Variants in LTB4R observed in about 807,000 individuals in gnomAD.
LTB4R encodes the protein leukotriene B4 receptor 1.
For synonymous variants in LTB4R, 250 were observed against 230.7 expected (o/e 1.08, Z -0.76); for missense variants, 470 against 485.6 (o/e 0.97, Z 0.30).
chr14:24,316,249 A>G lies in LTB4R; in HGVS notation c.598A>G (p.Ser200Gly), dbSNP rs767700281. 3.7e-6 allele frequency: 6 copies of G among 1,613,156 alleles called. No individual in the cohort carries two copies. The highest frequency in any genetic ancestry group is 5.1e-6 in the Non-Finnish European group (6 of 1,179,976). Reference protein sequence around the residue: ...FLLPFLAVVASYSDIGRRLQA... With the variant: ...FLLPFLAVVAGYSDIGRRLQA... ...GCTGCCCTTCCTGGCTGTGGTGGCC[A>G]GCTACTCGGACATAGGGCGTCGGCT... The change falls in exon 2 of 2, where the codon AGC (serine) becomes GGC (glycine). Residue 200 changes from serine (S) to glycine (G), a missense_variant. Ser to Gly is a moderately conservative substitution (Grantham distance 56). Transcript: ENST00000345363.
chr14:24,311,830 C>T lies in LTB4R; in HGVS notation c.-16+26C>T, dbSNP rs553683189. On this transcript the variant is annotated intron_variant, in intron 1 of 1. Coordinates refer to ENST00000345363, the MANE Select transcript of LTB4R (RefSeq NM_001143919.3). The stretch of plus-strand genomic sequence containing the variant: ...GTCAGTGTTCTGGGACATTTGGGGA[C>T]CCTTCTTTGACTAGAGTTTGGATCT... 4.4e-5 allele frequency: 54 copies of T among 1,225,676 alleles called. No homozygotes were observed. In the South Asian group the frequency reaches 6.7e-4, roughly 15 times the overall value. 75.9% of individuals were successfully genotyped at this position (1,225,676 alleles called of 1,614,324 possible).
At chr14:24,315,167 C>T (rs900221676) in intron 1 of LTB4R, 7 of 158,990 alleles carry the variant, frequency 4.4e-5, no homozygotes, top group African/African-American at 1.4e-4. Context: ...CTAAACTCCT[C>T]CCCTCCCTGT....
chr14:24,316,603 G>A lies in LTB4R; in HGVS notation c.952G>A (p.Gly318Arg), dbSNP rs775554959. 3 of 1,468,186 alleles carry A rather than the reference G, an allele frequency of 2.0e-6. No homozygotes were observed. Among genetic ancestry groups the A allele is most frequent in the East Asian group, 2.8e-5 (1 of 35,204 alleles). The allele number at this position is 1,468,186 out of a possible 1,614,324, so 90.9% of individuals were successfully genotyped here. Residue 318 changes from glycine to arginine, a missense_variant, in exon 2 of 2, where the codon GGG becomes AGG. Coordinates refer to ENST00000345363, the MANE Select transcript of LTB4R (RefSeq NM_001143919.3). Reference protein sequence around the residue: ...TGSEASSTRRGGSLGQTARSG... With the variant: ...TGSEASSTRRRGSLGQTARSG... ...CTCCGAGGCGTCCAGCACGCGCCGC[G>A]GGGGCAGCCTGGGCCAGACCGCTAG... is the stretch of plus-strand genomic sequence containing the variant.
rs1415486105 is a variant in LTB4R, at chr14:24,317,598, C to G, written c.*888C>G. ...TGACAAGGTTTTAGGAAGATGGCAA[C>G]AACAGTGGCAGCAGTGTACTTTTTG... On this transcript the variant is annotated 3_prime_UTR_variant, in exon 2 of 2. Transcript: ENST00000345363. 6.0e-6 allele frequency: 1 copy of G among 166,946 alleles called. No individual in the cohort carries two copies. The highest frequency in any genetic ancestry group is 1.5e-5 in the Non-Finnish European group (1 of 68,120). The allele number at this position is 166,946 out of a possible 1,614,324, so 10.3% of individuals were successfully genotyped here. A position where few individuals can be genotyped will look rare whatever the true frequency, so the allele number is the denominator to read the frequency against.
chr14:24,316,170 C>T lies in LTB4R; in HGVS notation c.519C>T (p.Pro173=), dbSNP rs2041767997. 1.9e-6 allele frequency: 3 copies of T among 1,613,908 alleles called. No individual in the cohort carries two copies. The highest frequency in any genetic ancestry group is 1.7e-6 in the Non-Finnish European group (2 of 1,180,036). The change falls in exon 2 of 2, where the codon CCC becomes CCT. Residue 173 remains proline (P), a synonymous_variant. Transcript: ENST00000345363. ...TNMSLCFPRY[P]SEGHRAFHLI... ...TGAGCCTGTGCTTCCCGCGGTACCC[C>T]AGCGAAGGGCACCGGGCCTTCCATC...
chr14:24,311,831 CCTT>C (rs1203139306), intron 1 of LTB4R, 27 bp downstream of exon 1: 2 of 1,187,206 alleles, frequency 1.7e-6, no homozygotes, highest in Admixed American at 5.7e-5. Flanking sequence ...ATTTGGGGAC[CCTT>C]CTTTGACTAG....
At position 24,316,444 on chromosome 14, in the gene LTB4R, C is replaced by T. The variant is rs765563648; in HGVS notation, c.793C>T (p.Leu265=). The change falls in exon 2 of 2, where the codon CTG becomes TTG. Residue 265 remains leucine (L), a synonymous_variant. Coordinates refer to ENST00000345363, the MANE Select transcript of LTB4R (RefSeq NM_001143919.3). Reference sequence around the variant, plus strand: ...AGGGCTCGTGGGGAAGCGGCTGAGCCTGGCCCGCAACGTGCTCATCGCACT... The same window carrying T: ...AGGGCTCGTGGGGAAGCGGCTGAGCTTGGCCCGCAACGTGCTCATCGCACT... The part of the protein sequence containing the change: ...GLGLVGKRLS[L]ARNVLIALAF... The T allele has an allele frequency of 6.4e-7, 1 of 1,571,484 alleles. No homozygotes were observed. Among genetic ancestry groups the T allele is most frequent in the African/African-American group, 1.3e-5 (1 of 74,246 alleles).
chr14:24,316,617 C>T lies in LTB4R; in HGVS notation c.966C>T (p.Gly322=). 1 of 1,497,210 alleles carries T rather than the reference C, an allele frequency of 6.7e-7. No homozygotes were observed. The highest frequency in any genetic ancestry group is 1.5e-5 in the African/African-American group (1 of 68,334). The allele number at this position is 1,497,210 out of a possible 1,614,324, so 92.7% of individuals were successfully genotyped here. Reference sequence around the variant, plus strand: ...GCACGCGCCGCGGGGGCAGCCTGGGCCAGACCGCTAGGAGCGGCCCCGCCG... The same window carrying T: ...GCACGCGCCGCGGGGGCAGCCTGGGTCAGACCGCTAGGAGCGGCCCCGCCG... The part of the protein sequence containing the change: ...ASSTRRGGSL[G]QTARSGPAAL... The change falls in exon 2 of 2, where the codon GGC becomes GGT. Residue 322 remains glycine, a synonymous_variant. Transcript: ENST00000345363.
intron 1 of LTB4R, chr14:24,313,564 G>T: frequency 7.0e-6 from 1 of 141,884 alleles, no homozygotes; most frequent in Non-Finnish European, 1.5e-5. Context: ...CAGATTGAAG[G>T]AAGGACTTTT....
chr14:24,317,719 C>G lies in LTB4R; in HGVS notation c.*1009C>G, dbSNP rs1393321908. ...ACAAATCTAGTATGTCAAGGTTTGA[C>G]ATACTCCCATGGACCCCAAAGTATG... is the stretch of plus-strand genomic sequence containing the variant. On this transcript the variant is annotated 3_prime_UTR_variant, in exon 2 of 2. Transcript: ENST00000345363. The G allele has an allele frequency of 6.0e-6, 1 of 166,942 alleles. No individual in the cohort carries two copies. Among genetic ancestry groups the G allele is most frequent in the Non-Finnish European group, 1.5e-5 (1 of 68,100 alleles). The allele number at this position is 166,942 out of a possible 1,614,324, so 10.3% of individuals were successfully genotyped here.
intron 1 of LTB4R, among the ~76,000 whole-genome samples, chr14:24,312,317 G>T (rs1056392314): frequency 2.0e-5 from 3 of 152,218 alleles, no homozygotes; most frequent in Non-Finnish European, 4.4e-5. Flanking sequence ...GGAGGAAATG[G>T]CTCTGAAGGG....
rs1382020056 is a variant in LTB4R at position 24,316,783 on chromosome 14, A to G, written c.*73A>G. On this transcript the variant is annotated 3_prime_UTR_variant, in exon 2 of 2. Coordinates refer to ENST00000345363, the MANE Select transcript of LTB4R (RefSeq NM_001143919.3). ...GAGCCAGTTCAGTACCTGGAGGAGG[A>G]GCAGGGGCGTGGAGGGCGTGGAGGG... 6 of 1,283,480 alleles carry G rather than the reference A, an allele frequency of 4.7e-6. No homozygotes were observed. In the South Asian group the frequency reaches 6.6e-5, roughly 14 times the overall value. The allele number at this position is 1,283,480 out of a possible 1,614,324, so 79.5% of individuals were successfully genotyped here.
chr14:24,316,072 A>G lies in LTB4R; in HGVS notation c.421A>G (p.Ile141Val), dbSNP rs746613664. Residue 141 changes from isoleucine (I) to valine (V), a missense_variant, in exon 2 of 2, where the codon ATC becomes GTC. Ile to Val is a conservative substitution (Grantham distance 29, BLOSUM62 3). Coordinates refer to ENST00000345363, the MANE Select transcript of LTB4R (RefSeq NM_001143919.3). ...GATGGCCCGGCGGGTGCTGGCAGGC[A>G]TCTGGGTGTTGTCCTTTCTGCTGGC... Reference protein sequence around the residue: ...KAMARRVLAGIWVLSFLLATP... With the variant: ...KAMARRVLAGVWVLSFLLATP... 2 of 1,613,166 alleles carry G rather than the reference A, an allele frequency of 1.2e-6. No homozygotes were observed. The highest frequency in any genetic ancestry group is 1.6e-4 in the Middle Eastern group (1 of 6,062).
In LTB4R at chr14:24,311,814, C is replaced by G. The variant is rs994301976; in HGVS notation, c.-16+10C>G. The G allele has an allele frequency of 1.5e-6, 2 of 1,353,262 alleles. No individual in the cohort carries two copies. Among genetic ancestry groups the G allele is most frequent in the Non-Finnish European group, 2.0e-6 (2 of 1,000,048 alleles). 83.8% of individuals were successfully genotyped at this position (1,353,262 alleles called of 1,614,324 possible). ...CACCCACCCTCCAGAGGTCAGTGTT[C>G]TGGGACATTTGGGGACCCTTCTTTG... On this transcript the variant is annotated intron_variant, in intron 1 of 1. Coordinates refer to ENST00000345363, the MANE Select transcript of LTB4R (RefSeq NM_001143919.3).
At position 24,311,844 on chromosome 14, in the gene LTB4R, G is replaced by C. The variant is rs1034748696; in HGVS notation, c.-16+40G>C. The C allele has an allele frequency of 1.1e-5, 12 of 1,102,990 alleles. No homozygotes were observed. The Admixed American group carries it at 3.5e-4, about 32-fold the overall frequency. 68.3% of individuals were successfully genotyped at this position (1,102,990 alleles called of 1,614,324 possible). The stretch of plus-strand genomic sequence containing the variant: ...ACATTTGGGGACCCTTCTTTGACTA[G>C]AGTTTGGATCTGGCTGGGTAGGATT... On this transcript the variant is annotated intron_variant, in intron 1 of 1. Coordinates refer to ENST00000345363, the MANE Select transcript of LTB4R (RefSeq NM_001143919.3).
At position 24,316,897 on chromosome 14, in the gene LTB4R, C is replaced by CT. The variant is rs921534497; in HGVS notation, c.*188dup. On this transcript the variant is annotated 3_prime_UTR_variant, in exon 2 of 2. Transcript: ENST00000345363. ...CGAGTGAGAGCGTGCTCCAGCCTGGCTCCCACAGGCAGCTTTAACCATTAA... is the reference window on the plus strand; with the variant it reads ...CGAGTGAGAGCGTGCTCCAGCCTGGCTTCCCACAGGCAGCTTTAACCATTAA... 3.9e-5 allele frequency: 19 copies of CT among 490,396 alleles called. No homozygotes were observed. Among genetic ancestry groups the CT allele is most frequent in the African/African-American group, 3.7e-4 (18 of 48,830 alleles). The allele number at this position is 490,396 out of a possible 1,614,324, so 30.4% of individuals were successfully genotyped here.
rs559210310 is a variant in LTB4R at position 24,316,027 on chromosome 14, C to G, written c.376C>G (p.Gln126Glu). 1.2e-6 allele frequency: 2 copies of G among 1,613,844 alleles called. No homozygotes were observed. The highest frequency in any genetic ancestry group is 2.2e-5 in the South Asian group (2 of 91,088). ...SLAVARPFVS[Q>E]KLRTKAMARR... ...GGCGGTGGCCCGCCCCTTTGTGTCC[C>G]AGAAGCTACGCACCAAGGCGATGGC... is the stretch of plus-strand genomic sequence containing the variant. The change falls in exon 2 of 2, where the codon CAG becomes GAG. Residue 126 changes from glutamine (Q) to glutamate (E), a missense_variant. Gln to Glu is a conservative substitution (Grantham distance 29). Transcript: ENST00000345363.
rs45585134 is a variant in LTB4R at position 24,315,593 on chromosome 14, C to G, written c.-15-44C>G. On this transcript the variant is annotated intron_variant, in intron 1 of 1. Coordinates refer to ENST00000345363, the MANE Select transcript of LTB4R (RefSeq NM_001143919.3). ...GGTGTGTCCATGGCGTCAGGAAACC[C>G]TTGGTCCTCTACTCTCATGCGTGTG... The G allele has an allele frequency of 8.4e-3, 11,381 of 1,358,916 alleles. 64 individuals carry two copies. Among genetic ancestry groups the G allele is most frequent in the Non-Finnish European group, 0.01 (10,110 of 966,926 alleles). 84.2% of individuals were successfully genotyped at this position (1,358,916 alleles called of 1,614,324 possible).
chr14:24,311,989 C>T (rs771765574), intron 1 of LTB4R, 185 bp downstream of exon 1: 5 of 495,238 alleles, frequency 1.0e-5, no homozygotes, highest in Non-Finnish European at 1.5e-5. Flanking sequence ...GCCAGCATTG[C>T]TTACTTGTTG....
Sources: gnomAD v4.1 joint callset for allele counts (sites outside exome capture counted in the v4.1 genomes callset) on GRCh38, gnomAD v4.1.1 for gene constraint, MANE v1.5 for transcripts, NCBI Gene and HGNC (gene_info 2026-07-23, HGNC 2026-07-21) for gene names.